Variants in FGD4 observed in about 807,000 individuals in gnomAD.
The protein encoded by FGD4 is FYVE, RhoGEF and PH domain containing 4.
Under a neutral mutation model 102.0 loss-of-function variants are expected in FGD4, and 42 were observed. The ratio of observed to expected loss-of-function variants is 0.41; its 90% CI spans 0.32 to 0.53. FGD4 has a LOEUF of 0.53. FGD4 is among the 20% of genes least tolerant of loss of function. The pLI is 0.21. For synonymous variants in FGD4, 380 were observed against 375.7 expected, an observed-to-expected ratio of 1.01 and a Z score of -0.13; for missense variants, 902 against 1,078.2, an observed-to-expected ratio of 0.84 and a Z score of 2.29.
chr12:32,634,775 G>A (rs1281367298), intron 15 of FGD4, among the ~76,000 whole-genome samples: 1 of 152,186 alleles, frequency 6.6e-6, no homozygotes, highest in Non-Finnish European at 1.5e-5. Flanking sequence ...TGGATCACGA[G>A]GTCAAGAGAT....
chr12:32,401,726 CTTTTT>C (rs34078307), intron 1 of FGD4, among the ~76,000 whole-genome samples: 4 of 113,592 alleles, frequency 3.5e-5, no homozygotes, highest in African/African-American at 7.0e-5. Flanking sequence ...CTTTTCCATT[CTTTTT>C]TTTTTTTTTT....
chr12:32,565,470 A>T (rs1945114123), intron 2 of FGD4, among the ~76,000 whole-genome samples: 1 of 152,232 alleles, frequency 6.6e-6, no homozygotes, highest in African/African-American at 2.4e-5. Context: ...TTTATTTCCA[A>T]AATATAAAAT....
At chr12:32,572,333 A>C (rs1279547683) in intron 2 of FGD4, among the ~76,000 whole-genome samples, 1 of 152,202 alleles carries the variant, frequency 6.6e-6, no homozygotes, top group East Asian at 1.9e-4. Flanking sequence ...TGAAAAGCTT[A>C]CTTGCTCTAG....
intron 4 of FGD4, among the ~76,000 whole-genome samples, chr12:32,598,220 C>T (rs1007925454): frequency 6.6e-6 from 1 of 152,086 alleles, no homozygotes; most frequent in African/African-American, 2.4e-5. Context: ...AAAGATAATG[C>T]TAGGAACTGA....
intron 1 of FGD4, among the ~76,000 whole-genome samples, chr12:32,462,834 C>T (rs1943144167): frequency 1.3e-5 from 2 of 152,188 alleles, no homozygotes. Context: ...CCCACATTTA[C>T]TTGTGCCATT....
At chr12:32,599,550 TTTTTTTTTTTTTTTG>T (rs1451334952) in intron 5 of FGD4, among the ~76,000 whole-genome samples, 2 of 59,330 alleles carry the variant, frequency 3.4e-5, no homozygotes, top group Admixed American at 3.7e-4. Context: ...TTTTTTTTTT[TTTTTTTTTTTTTTTG>T]GAGATGGAGT....
intron 1 of FGD4, among the ~76,000 whole-genome samples, chr12:32,556,141 A>G (rs922266330): frequency 2.6e-5 from 4 of 152,250 alleles, no homozygotes; most frequent in Middle Eastern, 6.8e-3. Context: ...ATGCCTGGCC[A>G]GGCACTTTAA....
At chr12:32,438,153 A>G (rs1057288326) in intron 1 of FGD4, among the ~76,000 whole-genome samples, 1 of 152,208 alleles carries the variant, frequency 6.6e-6, no homozygotes, top group Non-Finnish European at 1.5e-5. Context: ...GGGCCTCCCA[A>G]AGTGCTGGGA....
intron 1 of FGD4, among the ~76,000 whole-genome samples, chr12:32,550,529 C>T (rs956620796): frequency 7.3e-5 from 11 of 151,308 alleles, no homozygotes; most frequent in South Asian, 2.1e-4. Flanking sequence ...AAAAATTAGC[C>T]GGGTGTGATG....
At position 32,582,439 on chromosome 12, in the gene FGD4, A is replaced by G; in HGVS notation, c.983A>G (p.Glu328Gly). 6.2e-7 allele frequency: 1 copy of G among 1,612,270 alleles called. No homozygotes were observed. The highest frequency in any genetic ancestry group is 8.5e-7 in the Non-Finnish European group (1 of 1,180,014). ...AATGGGGAAAGCCCTCTGGAACTGG[A>G]GCAGCTGGACCAGCACCATGAGATG... ...RENGESPLELEQLDQHHEMKE... is the reference protein window; with the variant it reads ...RENGESPLELGQLDQHHEMKE... Residue 328 changes from glutamate to glycine, a missense_variant, in exon 4 of 17, where the codon GAG becomes GGG. Physicochemically the swap from Glu to Gly is moderately conservative, Grantham distance 98. This residue lies in a region of FGD4 where 443 missense variants were observed against 459.2 expected (regional missense o/e 0.96). Coordinates refer to ENST00000534526, the MANE Select transcript of FGD4 (RefSeq NM_001370298.3).
chr12:32,579,050 T>TG (rs1453896457), intron 3 of FGD4, among the ~76,000 whole-genome samples: 10 of 140,500 alleles, frequency 7.1e-5, no homozygotes, highest in Admixed American at 2.9e-4. Context: ...TTTTTTTTTT[T>TG]TTTTTTTTTT....
At chr12:32,630,510 T>C (rs1204588387) in intron 14 of FGD4, among the ~76,000 whole-genome samples, 2 of 151,950 alleles carry the variant, frequency 1.3e-5, no homozygotes, top group Non-Finnish European at 2.9e-5. Context: ...TGAAACTCTG[T>C]CTCTACCAAA....
At chr12:32,575,110 A>C (rs1000548808) in intron 2 of FGD4, among the ~76,000 whole-genome samples, 2 of 152,148 alleles carry the variant, frequency 1.3e-5, no homozygotes, top group African/African-American at 4.8e-5. Context: ...AATGATCTTT[A>C]TTTATCCTAT....
At chr12:32,428,698 C>T (rs189032183) in intron 1 of FGD4, among the ~76,000 whole-genome samples, 27 of 152,298 alleles carry the variant, frequency 1.8e-4, no homozygotes, top group African/African-American at 6.5e-4. Context: ...CTTTCAGGTA[C>T]ATCAATCAAA....
rs17539792 is a variant in FGD4 at position 32,624,955 on chromosome 12, T to G, written c.1954-21T>G. ...ATATGAGAAACTTTAATGTGTGCTT[T>G]GAATTTTACTTATACTTTAGGCCCT... is the stretch of plus-strand genomic sequence containing the variant. On this transcript the variant is annotated intron_variant, in intron 12 of 16. Coordinates refer to ENST00000534526, the MANE Select transcript of FGD4 (RefSeq NM_001370298.3). 177,865 of 1,601,506 alleles carry G rather than the reference T, an allele frequency of 0.11. 11,049 individuals are homozygous for G. Among genetic ancestry groups the G allele is most frequent in the Middle Eastern group, 0.18 (1,104 of 6,028 alleles).
chr12:32,565,766 C>T (rs1257940036), intron 2 of FGD4, among the ~76,000 whole-genome samples: 1 of 151,958 alleles, frequency 6.6e-6, no homozygotes, highest in Non-Finnish European at 1.5e-5. Context: ...ATTAAAGCCA[C>T]GATATAGTTA....
chr12:32,623,705 G>T (rs78346880), intron 11 of FGD4, among the ~76,000 whole-genome samples: 1,663 of 152,254 alleles, frequency 0.011, 11 homozygotes, highest in Non-Finnish European at 0.015. Context: ...TTCAAATGTG[G>T]TATGTGACAG....
chr12:32,598,051 C>G (rs1379225855), intron 4 of FGD4, among the ~76,000 whole-genome samples: 1 of 152,152 alleles, frequency 6.6e-6, no homozygotes, highest in East Asian at 1.9e-4. Flanking sequence ...TCCTCTACCT[C>G]CCAATATGTT....
intron 6 of FGD4, among the ~76,000 whole-genome samples, chr12:32,601,897 A>G (rs1020447239): frequency 1.3e-5 from 2 of 152,060 alleles, no homozygotes; most frequent in African/African-American, 4.8e-5. Flanking sequence ...CCTTGAGCCC[A>G]GGAGTTCAAG....
Sources: allele counts gnomAD v4.1 joint callset (sites outside exome capture counted in the v4.1 genomes callset), GRCh38; gene constraint gnomAD v4.1.1; regional missense constraint gnomAD v4.1.1; transcripts MANE v1.5; gene names NCBI Gene and HGNC (gene_info 2026-07-23, HGNC 2026-07-21).